PPP2R3A: variants seen among roughly 807,000 people sequenced by gnomAD.
PPP2R3A encodes protein phosphatase 2 regulatory subunit B''alpha, also known as serine/threonine-protein phosphatase 2A regulatory subunit B'' subunit alpha.
In PPP2R3A, 80 loss-of-function variants were observed where a neutral mutation model predicts 106.9. The ratio of observed to expected loss-of-function variants is 0.75; its 90% CI spans 0.62 to 0.90. The LOEUF is 0.90. Among genes scored for constraint, PPP2R3A ranks in the 40% least tolerant of loss-of-function variants. The probability of loss-of-function intolerance (pLI) is 0.00; values close to 1 mark genes in which losing one functional copy is unlikely to be tolerated. For missense variants in PPP2R3A, 1,386 were observed against 1,350.4 expected, an observed-to-expected ratio of 1.03 and a Z score of -0.41; for synonymous variants, 483 against 468.3, an observed-to-expected ratio of 1.03 and a Z score of -0.41.
intron 10 of PPP2R3A, among the ~76,000 whole-genome samples, chr3:136,100,479 A>G (rs1937331954): frequency 6.6e-6 from 1 of 151,998 alleles, no homozygotes; most frequent in Non-Finnish European, 1.5e-5. Context: ...ATTCGAGACC[A>G]GCCTGGTCAA....
In PPP2R3A at chr3:136,032,134, C is replaced by T. The variant is rs912055337; in HGVS notation, c.2262+5036C>T. ...AATGGTCATTTTCACAATATTGATT[C>T]TACCCATCCATGAGCATGGGATGTG... On this transcript the variant is annotated intron_variant, in intron 3 of 13. Transcript: ENST00000264977. Among the ~76,000 whole-genome samples the T allele has an allele frequency of 2.6e-5, 4 of 152,164 alleles. 1 individual carries two copies. The South Asian group carries it at 8.3e-4, about 31-fold the overall frequency.
At chr3:135,981,246 A>T (rs1369906576) in intron 1 of PPP2R3A, among the ~76,000 whole-genome samples, 1 of 151,658 alleles carries the variant, frequency 6.6e-6, no homozygotes, top group East Asian at 1.9e-4. Context: ...CTTGGTTTGT[A>T]TGTTGGGGAG....
chr3:136,059,282 A>C (rs1935996018), intron 5 of PPP2R3A, among the ~76,000 whole-genome samples: 1 of 152,066 alleles, frequency 6.6e-6, no homozygotes, highest in South Asian at 2.1e-4. Context: ...AACTTAAATA[A>C]TTTACAAGAA....
intron 3 of PPP2R3A, among the ~76,000 whole-genome samples, chr3:136,033,240 T>C (rs1412123102): frequency 2.0e-5 from 3 of 152,322 alleles, no homozygotes; most frequent in South Asian, 4.1e-4. Flanking sequence ...TTAATCATGG[T>C]GGATTATCTG....
chr3:136,038,041 C>CAA, intron 3 of PPP2R3A, among the ~76,000 whole-genome samples: 1 of 152,064 alleles, frequency 6.6e-6, no homozygotes. Flanking sequence ...ATTTTCTTGC[C>CAA]TTCAGATTAA....
intron 1 of PPP2R3A, among the ~76,000 whole-genome samples, chr3:135,993,014 A>G (rs900188881): frequency 3.3e-5 from 5 of 152,176 alleles, no homozygotes; most frequent in Admixed American, 6.6e-5. Flanking sequence ...GAAAATCCAT[A>G]TGACCTTAGG....
chr3:135,985,037 C>T (rs1379054581), intron 1 of PPP2R3A, among the ~76,000 whole-genome samples: 2 of 152,130 alleles, frequency 1.3e-5, no homozygotes, highest in Non-Finnish European at 1.5e-5. Flanking sequence ...CCACCATCTC[C>T]CTCCCGCAAC....
At chr3:136,032,737 T>C (rs1156765378) in intron 3 of PPP2R3A, among the ~76,000 whole-genome samples, 2 of 152,124 alleles carry the variant, frequency 1.3e-5, no homozygotes, top group African/African-American at 2.4e-5. Flanking sequence ...GGTTTCACCA[T>C]GTTAGCCAGG....
intron 2 of PPP2R3A, among the ~76,000 whole-genome samples, chr3:136,020,962 T>C (rs79172816): frequency 3.1e-4 from 47 of 152,036 alleles, no homozygotes; most frequent in Non-Finnish European, 5.6e-4. Context: ...CTTCATGAAA[T>C]AGCTAAATTT....
chr3:136,005,602 A>C (rs1933814708), intron 2 of PPP2R3A, among the ~76,000 whole-genome samples: 1 of 152,164 alleles, frequency 6.6e-6, no homozygotes, highest in Non-Finnish European at 1.5e-5. Context: ...GGAATTAATC[A>C]CAAAAGTAAG....
chr3:136,057,725 A>C (rs1414559160), intron 5 of PPP2R3A, among the ~76,000 whole-genome samples: 1 of 152,152 alleles, frequency 6.6e-6, no homozygotes, highest in South Asian at 2.1e-4. Flanking sequence ...ATCAGAGAAA[A>C]GCAAATTAAA....
chr3:136,071,060 C>G (rs1936415141), intron 6 of PPP2R3A, among the ~76,000 whole-genome samples: 1 of 152,268 alleles, frequency 6.6e-6, no homozygotes, highest in South Asian at 2.1e-4. Flanking sequence ...CTCATTTGGT[C>G]AGTCCCAGTT....
At chr3:136,144,794 A>G (rs1939040214) in intron 13 of PPP2R3A, among the ~76,000 whole-genome samples, 1 of 152,164 alleles carries the variant, frequency 6.6e-6, no homozygotes, top group African/African-American at 2.4e-5. Flanking sequence ...CAACCACCCT[A>G]GGGAAAGCTT....
intron 5 of PPP2R3A, among the ~76,000 whole-genome samples, chr3:136,053,999 A>G (rs183446688): frequency 1.3e-5 from 2 of 152,316 alleles, no homozygotes; most frequent in African/African-American, 4.8e-5. Flanking sequence ...TAGCCCAGAA[A>G]AGAAACAAAA....
intron 10 of PPP2R3A, among the ~76,000 whole-genome samples, chr3:136,093,086 AAAAGTC>A (rs1382556317): frequency 2.0e-5 from 3 of 152,238 alleles, no homozygotes; most frequent in Admixed American, 2.0e-4. Flanking sequence ...TATCAAAAGA[AAAAGTC>A]AATGAATTGG....
At chr3:135,995,165 C>A (rs972252237) in intron 1 of PPP2R3A, among the ~76,000 whole-genome samples, 1 of 152,124 alleles carries the variant, frequency 6.6e-6, no homozygotes, top group South Asian at 2.1e-4. Context: ...GACCAAAAGC[C>A]TGGGGGGGTG....
intron 6 of PPP2R3A, among the ~76,000 whole-genome samples, chr3:136,072,556 G>A (rs1413689268): frequency 1.3e-5 from 2 of 152,174 alleles, no homozygotes; most frequent in African/African-American, 2.4e-5. Context: ...TCTTGCCCCT[G>A]CACTCCAGCC....
chr3:135,996,117 C>G (rs1933386853), intron 1 of PPP2R3A, among the ~76,000 whole-genome samples: 1 of 152,058 alleles, frequency 6.6e-6, no homozygotes, highest in Non-Finnish European at 1.5e-5. Flanking sequence ...TTTTAAGATG[C>G]TACCAACTAT....
chr3:136,137,998 G>T (rs1487581898), intron 13 of PPP2R3A, among the ~76,000 whole-genome samples: 1 of 152,158 alleles, frequency 6.6e-6, no homozygotes, highest in Non-Finnish European at 1.5e-5. Flanking sequence ...GAATGTAGGA[G>T]AGGAACAGGG....
Sources: allele counts gnomAD v4.1 joint callset (sites outside exome capture counted in the v4.1 genomes callset), GRCh38; gene constraint gnomAD v4.1.1; transcripts MANE v1.5; gene names NCBI Gene and HGNC (gene_info 2026-07-23, HGNC 2026-07-21).